CDH1: variants seen among roughly 807,000 people sequenced by gnomAD.
The protein encoded by CDH1 is cadherin 1.
In CDH1, 35 loss-of-function variants were observed where a neutral mutation model predicts 84.5. The observed-to-expected ratio is 0.41, with a 90% CI of 0.32 to 0.55. The LOEUF (loss-of-function observed/expected upper bound fraction) is 0.55. CDH1 is among the 20% of genes least tolerant of loss of function. The pLI is 0.19. For missense variants in CDH1, 994 were observed against 1,126.6 expected, an observed-to-expected ratio of 0.88 and a Z score of 1.68; for synonymous variants, 417 against 439.0, an observed-to-expected ratio of 0.95 and a Z score of 0.63.
At chr16:68,801,085 T>C (rs1024416381) in intron 2 of CDH1, among the ~76,000 whole-genome samples, 1 of 152,174 alleles carries the variant, frequency 6.6e-6, no homozygotes, top group African/African-American at 2.4e-5. Flanking sequence ...TTTTAGAGTA[T>C]TAATACTTTT....
chr16:68,799,959 G>A (rs1471953004), intron 2 of CDH1, among the ~76,000 whole-genome samples: 2 of 151,452 alleles, frequency 1.3e-5, no homozygotes, highest in Admixed American at 1.3e-4. Context: ...TCAGTGAGCC[G>A]AGATCGTGCC....
chr16:68,820,717 T>C (rs8046130), intron 11 of CDH1, among the ~76,000 whole-genome samples: 1 of 152,182 alleles, frequency 6.6e-6, no homozygotes, highest in East Asian at 1.9e-4. Context: ...TGGGTGAAAT[T>C]AGTTAGGTGT....
At chr16:68,753,159 G>C (rs1192831360) in intron 2 of CDH1, among the ~76,000 whole-genome samples, 1 of 139,838 alleles carries the variant, frequency 7.2e-6, no homozygotes, top group Non-Finnish European at 1.5e-5. Flanking sequence ...GTTGCAGTAA[G>C]CTGAGATCGC....
chr16:68,804,996 A>ATTTTTTTTTT (rs71148951), intron 3 of CDH1, among the ~76,000 whole-genome samples: 1 of 89,696 alleles, frequency 1.1e-5, no homozygotes, highest in Non-Finnish European at 2.1e-5. Flanking sequence ...TGCCCAGCTA[A>ATTTTTTTTTT]TTTTTTTTTT....
intron 2 of CDH1, among the ~76,000 whole-genome samples, chr16:68,797,876 C>T (rs1303857177): frequency 5.9e-5 from 9 of 152,010 alleles, no homozygotes; most frequent in African/African-American, 1.4e-4. Flanking sequence ...GTCAGGAGTT[C>T]GAGACCAGCC....
chr16:68,756,855 AC>A (rs1963030136), intron 2 of CDH1, among the ~76,000 whole-genome samples: 1 of 152,082 alleles, frequency 6.6e-6, no homozygotes, highest in Non-Finnish European at 1.5e-5. Flanking sequence ...AAAAACAATT[AC>A]CCAGGCATGG....
intron 6 of CDH1, among the ~76,000 whole-genome samples, chr16:68,811,048 C>T (rs1960806999): frequency 6.6e-6 from 1 of 151,900 alleles, no homozygotes; most frequent in African/African-American, 2.4e-5. Context: ...TTACCAGTAC[C>T]TTAAAGCCCT....
At chr16:68,765,770 C>G (rs1467303530) in intron 2 of CDH1, among the ~76,000 whole-genome samples, 2 of 151,294 alleles carry the variant, frequency 1.3e-5, no homozygotes, top group East Asian at 1.9e-4. Context: ...TTGTTTTCCT[C>G]TCATGGGAAA....
At chr16:68,824,475 G>A (rs906721355) in intron 13 of CDH1, among the ~76,000 whole-genome samples, 2 of 152,118 alleles carry the variant, frequency 1.3e-5, no homozygotes, top group African/African-American at 4.8e-5. Flanking sequence ...AGGAAGTGGA[G>A]GCCAAACGAC....
At chr16:68,752,150 C>A (rs1962901137) in intron 2 of CDH1, among the ~76,000 whole-genome samples, 1 of 152,010 alleles carries the variant, frequency 6.6e-6, no homozygotes, top group Non-Finnish European at 1.5e-5. Context: ...CTGGGTTTCA[C>A]CATGTTGGCC....
chr16:68,804,406 C>A (rs1157045511), intron 3 of CDH1, among the ~76,000 whole-genome samples: 1 of 152,100 alleles, frequency 6.6e-6, no homozygotes, highest in African/African-American at 2.4e-5. Flanking sequence ...AGCCACTGCG[C>A]CCGGCCCTAT....
chr16:68,815,886 AT>A, intron 10 of CDH1, 127 bp downstream of exon 10: 1 of 1,160,376 alleles, frequency 8.6e-7, no homozygotes, highest in Non-Finnish European at 1.2e-6. Flanking sequence ...CTCTTAATTT[AT>A]TTTTTATTCC....
chr16:68,833,534 C>T lies in CDH1; in HGVS notation c.*35C>T, dbSNP rs777657718. 6.5e-7 allele frequency: 1 copy of T among 1,536,296 alleles called. No individual in the cohort carries two copies. The highest frequency in any genetic ancestry group is 9.0e-7 in the Non-Finnish European group (1 of 1,110,730). On this transcript the variant is annotated 3_prime_UTR_variant, in exon 16 of 16. Transcript: ENST00000261769. ...GAGAGGCGGGCCCCAGACCCATGTGCTGGGAAATGCAGAAATCACGTTGCT... is the reference window on the plus strand; with the variant it reads ...GAGAGGCGGGCCCCAGACCCATGTGTTGGGAAATGCAGAAATCACGTTGCT...
chr16:68,783,412 G>GAAAAAAGA (rs1959941350), intron 2 of CDH1, among the ~76,000 whole-genome samples: 2 of 144,918 alleles, frequency 1.4e-5, no homozygotes, highest in Non-Finnish European at 1.5e-5. Context: ...AAAGAAAAAA[G>GAAAAAAGA]AAAAAAAGAA....
In CDH1 at chr16:68,762,647, G is replaced by A. The variant is rs34794904; in HGVS notation, c.163+24236G>A. 9.7e-3 allele frequency among the ~76,000 whole-genome samples: 1,478 copies of A among 152,194 alleles called. 17 individuals carry two copies. The highest frequency in any genetic ancestry group is 0.014 in the Non-Finnish European group (965 of 68,010). On this transcript the variant is annotated intron_variant, in intron 2 of 15. Transcript: ENST00000261769. ...ACACAGGCCGGGCATGGTGGATCAC[G>A]CCTGTATTCTCAGCACTTTGGGAGG...
rs1596972797 is a variant in CDH1 at position 68,829,763 on chromosome 16, C to T, written c.2405C>T (p.Ala802Val). 5.0e-6 allele frequency: 8 copies of T among 1,613,972 alleles called. No individual in the cohort carries two copies. Among genetic ancestry groups the T allele is most frequent in the Non-Finnish European group, 5.9e-6 (7 of 1,179,984 alleles). Residue 802 changes from alanine (A) to valine (V), a missense_variant, in exon 15 of 16, where the codon GCC becomes GTC. Transcript: ENST00000261769. ...MSVPRYLPRP[A>V]NPDEIGNFID... ...GTCCCCCGGTATCTTCCCCGCCCTG[C>T]CAATCCCGATGAAATTGGAAATTTT...
chr16:68,738,964 T>TTTTTTTAA (rs555202424), intron 2 of CDH1, among the ~76,000 whole-genome samples: 4 of 65,364 alleles, frequency 6.1e-5, no homozygotes, highest in East Asian at 4.9e-4. Flanking sequence ...TTTTTTTTTT[T>TTTTTTTAA]AAAGACAGGG....
chr16:68,738,306 T>G lies in CDH1; in HGVS notation c.58T>G (p.Trp20Gly). The change falls in exon 2 of 16, where the codon TGG becomes GGG. Residue 20 changes from tryptophan (W) to glycine (G), a missense_variant. Trp to Gly is a radical substitution (Grantham distance 184, BLOSUM62 -2). This residue lies in a region of CDH1 where 203 missense variants were observed against 194.0 expected (regional missense o/e 1.05). Coordinates refer to ENST00000261769, the MANE Select transcript of CDH1 (RefSeq NM_004360.5). ...CTTTCCCCCACCCCAGGTCTCCTCT[T>G]GGCTCTGCCAGGAGCCGGAGCCCTG... is the stretch of plus-strand genomic sequence containing the variant. ...ALLLLLQVSS[W>G]LCQEPEPCHP... 6.5e-7 allele frequency: 1 copy of G among 1,550,082 alleles called. No homozygotes were observed. The highest frequency in any genetic ancestry group is 8.7e-7 in the Non-Finnish European group (1 of 1,145,646).
intron 2 of CDH1, among the ~76,000 whole-genome samples, chr16:68,746,474 A>G (rs1962748748): frequency 6.6e-6 from 1 of 152,068 alleles, no homozygotes; most frequent in African/African-American, 2.4e-5. Context: ...GCTGCCACTC[A>G]ATGCATTTCC....
Sources: allele counts gnomAD v4.1 joint callset (sites outside exome capture counted in the v4.1 genomes callset), GRCh38; gene constraint gnomAD v4.1.1; regional missense constraint gnomAD v4.1.1; transcripts MANE v1.5; gene names NCBI Gene and HGNC (gene_info 2026-07-23, HGNC 2026-07-21).